MCTP1: variants seen among roughly 807,000 people sequenced by gnomAD.
The protein encoded by MCTP1 is multiple C2 and transmembrane domain-containing protein 1.
Under a neutral mutation model 120.6 loss-of-function variants are expected in MCTP1, and 69 were observed. That is an observed-to-expected ratio of 0.57 (90% CI 0.47 to 0.70). The LOEUF (loss-of-function observed/expected upper bound fraction) is 0.70. Among genes scored for constraint, MCTP1 ranks in the 30% least tolerant of loss-of-function variants. The pLI, the probability that MCTP1 is intolerant of heterozygous loss-of-function variation, is 0.00. For missense variants in MCTP1, 1,203 were observed against 1,248.8 expected, an observed-to-expected ratio of 0.96 and a Z score of 0.55; for synonymous variants, 529 against 493.1, an observed-to-expected ratio of 1.07 and a Z score of -0.96.
chr5:94,887,194 C>A (rs1801546631), intron 12 of MCTP1, among the ~76,000 whole-genome samples: 1 of 152,108 alleles, frequency 6.6e-6, no homozygotes, highest in Admixed American at 6.5e-5. Context: ...TAGTATTCCC[C>A]AAATTAATGT....
rs1455500756 is a variant in MCTP1, at chr5:94,766,074, G to A, written c.2610+13036C>T. 5.3e-5 allele frequency among the ~76,000 whole-genome samples: 8 copies of A among 152,154 alleles called. No homozygotes were observed. In the South Asian group the frequency reaches 1.0e-3, roughly 20 times the overall value. ...AGCCCAGCCAACATGGCGAAACCCCGTCTGTACTAAAAACACAAAAAAATT... is the reference window on the plus strand; with the variant it reads ...AGCCCAGCCAACATGGCGAAACCCCATCTGTACTAAAAACACAAAAAAATT... On this transcript the variant is annotated intron_variant, in intron 19 of 22. Coordinates refer to ENST00000515393, the MANE Select transcript of MCTP1 (RefSeq NM_024717.7).
intron 17 of MCTP1, among the ~76,000 whole-genome samples, chr5:94,842,555 G>A (rs1791342743): frequency 1.3e-5 from 2 of 152,046 alleles, no homozygotes; most frequent in East Asian, 3.9e-4. Flanking sequence ...ATATGTTTGG[G>A]GAAAAAATCA....
chr5:94,729,689 T>C (rs1670787387), intron 19 of MCTP1, among the ~76,000 whole-genome samples: 1 of 152,138 alleles, frequency 6.6e-6, no homozygotes, highest in Non-Finnish European at 1.5e-5. Context: ...GTAGTACAAA[T>C]GTGCTAAGGC....
At chr5:94,900,406 A>G (rs1256127094) in intron 10 of MCTP1, among the ~76,000 whole-genome samples, 1 of 152,226 alleles carries the variant, frequency 6.6e-6, no homozygotes, top group Non-Finnish European at 1.5e-5. Context: ...AAGGAAATGG[A>G]GGCTCAATAA....
In MCTP1 at chr5:94,707,394, AAAATAAATAAAAAGCAG is replaced by A. The variant is rs1754913984; in HGVS notation, c.*85_*101del. On this transcript the variant is annotated 3_prime_UTR_variant, in exon 23 of 23. Transcript: ENST00000515393. ...ATTCTCTCGATCATGATAAAAAGGC[AAAATAAATAAAAAGCAG>A]AAAGAAAGGAAATGCTGCTGAGGCT... The A allele has an allele frequency of 1.1e-6, 1 of 900,374 alleles. No individual in the cohort carries two copies. Among genetic ancestry groups the A allele is most frequent in the Non-Finnish European group, 1.8e-6 (1 of 571,244 alleles). 55.8% of individuals were successfully genotyped at this position (900,374 alleles called of 1,614,324 possible). A position where few individuals can be genotyped will look rare whatever the true frequency, so the allele number is the denominator to read the frequency against.
chr5:94,761,116 C>T (rs936191433), intron 19 of MCTP1, among the ~76,000 whole-genome samples: 1 of 152,188 alleles, frequency 6.6e-6, no homozygotes, highest in Non-Finnish European at 1.5e-5. Flanking sequence ...GAAACTGTTA[C>T]GTTTTAAGAA....
intron 1 of MCTP1, among the ~76,000 whole-genome samples, chr5:95,049,075 T>C (rs182847555): frequency 6.6e-6 from 1 of 152,268 alleles, no homozygotes; most frequent in East Asian, 1.9e-4. Flanking sequence ...GCTTCTACTT[T>C]ATTTAATGGC....
chr5:95,119,694 A>G (rs1582290903), intron 1 of MCTP1, among the ~76,000 whole-genome samples: 2 of 152,336 alleles, frequency 1.3e-5, no homozygotes, highest in South Asian at 2.1e-4. Context: ...AAACATTGTA[A>G]CTAATACTGC....
At chr5:94,931,096 A>G (rs1364966170) in intron 6 of MCTP1, 2 of 152,144 alleles carry the variant, frequency 1.3e-5, no homozygotes, top group African/African-American at 2.4e-5. Context: ...CCATAAATAT[A>G]AAAACATTTT....
intron 1 of MCTP1, among the ~76,000 whole-genome samples, chr5:95,120,576 A>C (rs933569906): frequency 6.6e-6 from 1 of 152,250 alleles, no homozygotes; most frequent in Non-Finnish European, 1.5e-5. Flanking sequence ...AGAATGAAGA[A>C]CAAAAACCAG....
At chr5:95,139,314 A>C (rs1010267605) in intron 1 of MCTP1, among the ~76,000 whole-genome samples, 1 of 152,234 alleles carries the variant, frequency 6.6e-6, no homozygotes, top group African/African-American at 2.4e-5. Flanking sequence ...GAATATACCC[A>C]ACATGAGGAA....
chr5:94,796,654 T>TATATATATATATATAATATATA (rs1780138773), intron 18 of MCTP1, among the ~76,000 whole-genome samples: 1 of 144,142 alleles, frequency 6.9e-6, no homozygotes, highest in African/African-American at 2.5e-5. Flanking sequence ...ATATATTATA[T>TATATATATATATATAATATATA]ATATTATATA....
At chr5:95,161,063 C>G (rs193131239) in intron 1 of MCTP1, among the ~76,000 whole-genome samples, 1 of 152,236 alleles carries the variant, frequency 6.6e-6, no homozygotes, top group Non-Finnish European at 1.5e-5. Context: ...AATAGAATTA[C>G]CACATGATCC....
intron 1 of MCTP1, among the ~76,000 whole-genome samples, chr5:95,282,565 T>C (rs1363276596): frequency 6.6e-6 from 1 of 152,202 alleles, no homozygotes; most frequent in Non-Finnish European, 1.5e-5. Context: ...ACTTTACTTT[T>C]AAAACCAAAA....
chr5:94,993,280 T>C (rs1385717136), intron 2 of MCTP1, among the ~76,000 whole-genome samples: 1 of 152,200 alleles, frequency 6.6e-6, no homozygotes, highest in Non-Finnish European at 1.5e-5. Flanking sequence ...AAATTGATCA[T>C]TCTTCAACTA....
chr5:95,162,733 C>A (rs1374276617), intron 1 of MCTP1, among the ~76,000 whole-genome samples: 1 of 152,144 alleles, frequency 6.6e-6, no homozygotes, highest in African/African-American at 2.4e-5. Context: ...TAATAGCCTG[C>A]TTCATTCTGT....
chr5:95,144,161 A>G (rs779952168), intron 1 of MCTP1, among the ~76,000 whole-genome samples: 6 of 152,182 alleles, frequency 3.9e-5, no homozygotes, highest in Non-Finnish European at 8.8e-5. Context: ...AATGATTAGT[A>G]ATGTTAAGCA....
intron 1 of MCTP1, among the ~76,000 whole-genome samples, chr5:95,099,575 A>G (rs1172965407): frequency 6.6e-6 from 1 of 150,550 alleles, no homozygotes; most frequent in Non-Finnish European, 1.5e-5. Flanking sequence ...ACAATGAGAT[A>G]TCATCTCACA....
intron 1 of MCTP1, among the ~76,000 whole-genome samples, chr5:95,273,693 G>A (rs1267400608): frequency 6.6e-6 from 1 of 152,178 alleles, no homozygotes; most frequent in Non-Finnish European, 1.5e-5. Context: ...GGAGCTATTA[G>A]AGTACATAGG....
Sources: gnomAD v4.1 joint callset for allele counts (sites outside exome capture counted in the v4.1 genomes callset) on GRCh38, gnomAD v4.1.1 for gene constraint, MANE v1.5 for transcripts, NCBI Gene and HGNC (gene_info 2026-07-23, HGNC 2026-07-21) for gene names.